C1GALT1: variants seen among roughly 807,000 people sequenced by gnomAD.
C1GALT1 encodes the protein glycoprotein-N-acetylgalactosamine 3-beta-galactosyltransferase 1.
In C1GALT1, 11 loss-of-function variants were observed where a neutral mutation model predicts 31.0. The ratio of observed to expected loss-of-function variants is 0.36; its 90% CI spans 0.22 to 0.59. C1GALT1 has a LOEUF of 0.59. Among genes scored for constraint, C1GALT1 ranks in the 20% least tolerant of loss-of-function variants. The pLI, the probability that C1GALT1 is intolerant of heterozygous loss-of-function variation, is 0.79. For synonymous variants in C1GALT1, 175 were observed against 143.6 expected, an observed-to-expected ratio of 1.22 and a Z score of -1.56; for missense variants, 424 against 425.2, an observed-to-expected ratio of 1.00 and a Z score of 0.03.
chr7:7,243,579 C>T lies in C1GALT1; in HGVS notation c.944C>T (p.Thr315Ile), dbSNP rs764390159. 1 of 1,612,300 alleles carries T rather than the reference C, an allele frequency of 6.2e-7. No individual in the cohort carries two copies. The highest frequency in any genetic ancestry group is 1.1e-5 in the South Asian group (1 of 90,756). ...TCTTTTCACTATGTTGATTCTACAA[C>T]CATGTATGAGTTAGAATACCTCGTT... is the stretch of plus-strand genomic sequence containing the variant. ...AVSFHYVDSTTMYELEYLVYH... is the reference protein window; with the variant it reads ...AVSFHYVDSTIMYELEYLVYH... Residue 315 changes from threonine to isoleucine, a missense_variant, in exon 4 of 4, where the codon ACC becomes ATC. This residue lies in a region of C1GALT1 where 191 missense variants were observed against 188.8 expected (regional missense o/e 1.01). Transcript: ENST00000436587.
At chr7:7,227,472 G>A (rs1293682520) in intron 1 of C1GALT1, among the ~76,000 whole-genome samples, 1 of 152,180 alleles carries the variant, frequency 6.6e-6, no homozygotes, top group Non-Finnish European at 1.5e-5. Flanking sequence ...TGTAATCCCA[G>A]CACTTTGGGA....
chr7:7,216,716 A>C (rs10246299), intron 1 of C1GALT1, among the ~76,000 whole-genome samples: 4,693 of 152,306 alleles, frequency 0.031, 251 homozygotes, highest in African/African-American at 0.11. Flanking sequence ...GAACGTAGGA[A>C]TAGAATGGCC....
At chr7:7,224,458 T>G (rs13244913) in intron 1 of C1GALT1, among the ~76,000 whole-genome samples, 26 of 145,196 alleles carry the variant, frequency 1.8e-4, no homozygotes, top group East Asian at 6.1e-4. Context: ...GAGATTTTTG[T>G]GGGGGTCAGG....
In C1GALT1 at chr7:7,234,534, A is replaced by T. The variant is rs1239823365; in HGVS notation, c.215A>T (p.His72Leu). The change falls in exon 2 of 4, where the codon CAT (histidine) becomes CTT (leucine). Residue 72 changes from histidine (H) to leucine (L), a missense_variant. Physicochemically the swap from His to Leu is moderately conservative, Grantham distance 99. This residue lies in a region of C1GALT1 where 189 missense variants were observed against 158.2 expected (regional missense o/e 1.19). Transcript: ENST00000436587. ...AACTTCAATGCAGATTCTAGCCAAC[A>T]TAAAGGTATGGTTTACTTTATTAAG... ...QMNFNADSSQ[H>L]KDENTDIAEN... 6.2e-7 allele frequency: 1 copy of T among 1,605,354 alleles called. No individual in the cohort carries two copies. The highest frequency in any genetic ancestry group is 2.2e-5 in the East Asian group (1 of 44,756).
intron 2 of C1GALT1, among the ~76,000 whole-genome samples, chr7:7,174,227 A>G (rs903243532): frequency 6.6e-6 from 1 of 152,192 alleles, no homozygotes; most frequent in African/African-American, 2.4e-5. Context: ...ATACAGCCAC[A>G]CTAGGTGTTA....
intron 1 of C1GALT1, among the ~76,000 whole-genome samples, chr7:7,195,563 A>C (rs1562565685): frequency 1.3e-5 from 2 of 151,994 alleles, no homozygotes; most frequent in Non-Finnish European, 2.9e-5. Flanking sequence ...GATTTTCTTA[A>C]ATTTGTTGAG....
intron 1 of C1GALT1, among the ~76,000 whole-genome samples, chr7:7,196,831 TTC>T (rs1781309106): frequency 6.6e-6 from 1 of 152,222 alleles, no homozygotes; most frequent in African/African-American, 2.4e-5. Context: ...TGAGCATTTT[TTC>T]ATGTGTTTTT....
Position 7,238,828 on chromosome 7 carries a change from CTT to C in C1GALT1, c.797_798del (p.Phe266SerfsTer11), listed in dbSNP as rs1393318038. 1.2e-6 allele frequency: 2 copies of C among 1,613,754 alleles called. No individual in the cohort carries two copies. The highest frequency in any genetic ancestry group is 8.5e-7 in the Non-Finnish European group (1 of 1,179,890). Reference sequence around the variant, plus strand: ...TCCAGAGATACCATTGGAAAAGAAACTTTTCATCCCTTTGTGCCAGAACACCA... The same window carrying C: ...TCCAGAGATACCATTGGAAAAGAAACTTCATCCCTTTGTGCCAGAACACCA... On this transcript the variant is annotated frameshift_variant, in exon 3 of 4. Transcript: ENST00000436587. LOFTEE classifies it high-confidence loss of function. This position sits in a 1 kb window ranked among gnomAD's most constrained non-coding sequence, Gnocchi z 5.2.
chr7:7,243,847 GA>G lies in C1GALT1; in HGVS notation c.*123del. ...GAATTCTAAGTGAACATTCCTTATA[GA>G]AACCTTTCACATGAATGACTATAAA... On this transcript the variant is annotated 3_prime_UTR_variant, in exon 4 of 4. Transcript: ENST00000436587. 1 of 706,004 alleles carries G rather than the reference GA, an allele frequency of 1.4e-6. No homozygotes were observed. The allele number at this position is 706,004 out of a possible 1,614,324, so 43.7% of individuals were successfully genotyped here. A position where few individuals can be genotyped will look rare whatever the true frequency, so the allele number is the denominator to read the frequency against.
intron 3 of C1GALT1, among the ~76,000 whole-genome samples, chr7:7,243,290 TACTTTCCACAGTTTC>T (rs1252040536): frequency 6.6e-6 from 1 of 152,168 alleles, no homozygotes; most frequent in Non-Finnish European, 1.5e-5. Context: ...CATTTAAAAA[TACTTTCCACAGTTTC>T]ACTTGGTTTC....
upstream of C1GALT1, among the ~76,000 whole-genome samples, chr7:7,180,397 A>G (rs966019636): frequency 1.3e-5 from 2 of 152,214 alleles, no homozygotes; most frequent in Admixed American, 6.5e-5. Flanking sequence ...GACTTTTTTT[A>G]TGGTAGTAAA....
intron 1 of C1GALT1, among the ~76,000 whole-genome samples, chr7:7,201,494 A>G (rs1395088973): frequency 2.0e-5 from 3 of 152,156 alleles, no homozygotes; most frequent in East Asian, 1.9e-4. Context: ...TCAGATCTCA[A>G]ACTCTGTGCT....
intron 1 of C1GALT1, among the ~76,000 whole-genome samples, chr7:7,231,741 C>T (rs73674695): frequency 0.046 from 6,957 of 151,488 alleles, 323 homozygotes; most frequent in African/African-American, 0.13. Context: ...ATCTTGATGC[C>T]TGGTTGTTTT....
At chr7:7,209,947 C>T (rs1011134040) in intron 1 of C1GALT1, among the ~76,000 whole-genome samples, 7 of 151,616 alleles carry the variant, frequency 4.6e-5, no homozygotes, top group Admixed American at 1.3e-4. Flanking sequence ...CGGGCAGGGG[C>T]GGGGGACACA....
intron 2 of C1GALT1, among the ~76,000 whole-genome samples, chr7:7,170,599 A>G (rs1780442878): frequency 6.6e-6 from 1 of 152,196 alleles, no homozygotes; most frequent in African/African-American, 2.4e-5. Context: ...CCTGGCCAAC[A>G]TGGTGAAACC....
chr7:7,176,049 C>T (rs1780503477), intron 2 of C1GALT1, among the ~76,000 whole-genome samples: 1 of 152,150 alleles, frequency 6.6e-6, no homozygotes, highest in African/African-American at 2.4e-5. Context: ...AGCTACATGC[C>T]ATTTCTTCCA....
Position 7,248,356 on chromosome 7 carries a change from T to A in C1GALT1, c.*4629T>A, listed in dbSNP as rs1480957704. On this transcript the variant is annotated 3_prime_UTR_variant, in exon 4 of 4. Coordinates refer to ENST00000436587, the MANE Select transcript of C1GALT1 (RefSeq NM_020156.5). ...GGGCCCTGCAAATTAATAATCTACA[T>A]GAAGTATATTATTAGAGGGAAACTA... 6.6e-6 allele frequency: 1 copy of A among 151,980 alleles called. No individual in the cohort carries two copies. The highest frequency in any genetic ancestry group is 1.5e-5 in the Non-Finnish European group (1 of 67,876). 9.4% of individuals were successfully genotyped at this position (151,980 alleles called of 1,614,324 possible).
At chr7:7,186,884 C>T (rs1424587444) in intron 1 of C1GALT1, among the ~76,000 whole-genome samples, 3 of 152,164 alleles carry the variant, frequency 2.0e-5, no homozygotes, top group African/African-American at 7.2e-5. Flanking sequence ...GAGTAGGATG[C>T]AGATTGTGGG....
intron 1 of C1GALT1, among the ~76,000 whole-genome samples, chr7:7,190,402 A>T (rs925711236): frequency 3.3e-5 from 5 of 152,106 alleles, no homozygotes; most frequent in African/African-American, 1.2e-4. Context: ...TCTGTTTCAT[A>T]ATGATCTACC....
Sources: allele counts gnomAD v4.1 joint callset (sites outside exome capture counted in the v4.1 genomes callset), GRCh38; gene constraint gnomAD v4.1.1; regional missense constraint gnomAD v4.1.1; non-coding constraint Gnocchi (gnomAD v3.1); transcripts MANE v1.5; gene names NCBI Gene and HGNC (gene_info 2026-07-23, HGNC 2026-07-21).